TEAD4: variants seen among roughly 807,000 people sequenced by gnomAD.
The protein encoded by TEAD4 is TEA domain transcription factor 4.
TEAD4 carries 36 observed loss-of-function variants against 52.4 expected under a neutral mutation model. The ratio of observed to expected loss-of-function variants is 0.69; its 90% CI spans 0.53 to 0.91. The LOEUF (loss-of-function observed/expected upper bound fraction) is 0.91. Ranked by LOEUF, TEAD4 falls within the 40% of genes least tolerant of loss-of-function variation. TEAD4 has a pLI of 0.00. For synonymous variants in TEAD4, 220 were observed against 231.0 expected, an observed-to-expected ratio of 0.95 and a Z score of 0.43; for missense variants, 508 against 583.9, an observed-to-expected ratio of 0.87 and a Z score of 1.34.
chr12:2,983,909 G>A (rs1381295764), intron 2 of TEAD4, among the ~76,000 whole-genome samples: 1 of 152,236 alleles, frequency 6.6e-6, no homozygotes, highest in African/African-American at 2.4e-5. Context: ...GTGGAGACCA[G>A]TCCTTACTGG....
intron 2 of TEAD4, among the ~76,000 whole-genome samples, chr12:2,968,604 C>G (rs1019929990): frequency 6.6e-6 from 1 of 151,486 alleles, no homozygotes; most frequent in African/African-American, 2.4e-5. Flanking sequence ...TTTTATTTTT[C>G]ATAGAGACAG....
intron 10 of TEAD4, among the ~76,000 whole-genome samples, chr12:3,030,281 C>T (rs574670276): frequency 6.6e-6 from 1 of 152,320 alleles, no homozygotes; most frequent in African/African-American, 2.4e-5. Flanking sequence ...AAGCCATTCT[C>T]CTGCCTCAGC....
At chr12:3,021,032 C>T (rs1415642149) in intron 9 of TEAD4, among the ~76,000 whole-genome samples, 1 of 152,108 alleles carries the variant, frequency 6.6e-6, no homozygotes, top group African/African-American at 2.4e-5. Flanking sequence ...TCCTGTGTTC[C>T]TCCTCCCCTC....
At chr12:3,024,152 G>GCAAGC (rs2153957673) in intron 10 of TEAD4, among the ~76,000 whole-genome samples, 1 of 151,810 alleles carries the variant, frequency 6.6e-6, no homozygotes, top group Admixed American at 6.6e-5. Context: ...TTGGCTCACT[G>GCAAGC]CAAGCTCCGC....
Position 3,038,002 on chromosome 12 carries a change from G to A in TEAD4, c.932G>A (p.Ser311Asn), listed in dbSNP as rs2098280437. 1 of 1,613,920 alleles carries A rather than the reference G, an allele frequency of 6.2e-7. No individual in the cohort carries two copies. Among genetic ancestry groups the A allele is most frequent in the South Asian group, 1.1e-5 (1 of 91,070 alleles). Residue 311 changes from serine (S) to asparagine (N), a missense_variant, in exon 11 of 13, where the codon AGC (serine) becomes AAC (asparagine). Physicochemically the swap from Ser to Asn is conservative, Grantham distance 46. Coordinates refer to ENST00000359864, the MANE Select transcript of TEAD4 (RefSeq NM_003213.4). ...AACACCAACATCGAGGATGAAGGCA[G>A]CTCCTTCTATGGGGTCTCCAGCCAG...
In TEAD4 at chr12:3,033,390, C is replaced by T. The variant is rs139595163; in HGVS notation, c.898-4578C>T. Among the ~76,000 whole-genome samples the T allele has an allele frequency of 4.2e-3, 638 of 152,342 alleles. 23 individuals carry two copies. The highest frequency in any genetic ancestry group is 0.038 in the Admixed American group (584 of 15,310). On this transcript the variant is annotated intron_variant, in intron 10 of 12. Coordinates refer to ENST00000359864, the MANE Select transcript of TEAD4 (RefSeq NM_003213.4). ...GGGACTGATGCGATGAAGCTCCCTT[C>T]CTCCCCCAGAGCCCCGCAAGTCCAG... is the stretch of plus-strand genomic sequence containing the variant.
Position 2,974,883 on chromosome 12 carries a change from T to C in TEAD4, c.-30+14843T>C, listed in dbSNP as rs182030350. Among the ~76,000 whole-genome samples, 15 of 152,230 alleles carry C rather than the reference T, an allele frequency of 9.9e-5. No homozygotes were observed. The East Asian group carries it at 2.9e-3, about 29-fold the overall frequency. The stretch of plus-strand genomic sequence containing the variant: ...GGCTGAGGAAACAAGTGTGCTGGCT[T>C]TGACGGAATTCCAGGGCAAGTGCTT... On this transcript the variant is annotated intron_variant, in intron 2 of 12. Coordinates refer to ENST00000359864, the MANE Select transcript of TEAD4 (RefSeq NM_003213.4).
chr12:3,037,891 C>T, intron 10 of TEAD4, 77 bp from the exon 11 acceptor site: 5 of 1,539,180 alleles, frequency 3.2e-6, no homozygotes, highest in Non-Finnish European at 4.4e-6. Context: ...GGGACCGGGA[C>T]CCTGAGGTCT....
At chr12:3,004,429 A>G (rs1482882905) in intron 3 of TEAD4, among the ~76,000 whole-genome samples, 1 of 152,040 alleles carries the variant, frequency 6.6e-6, no homozygotes, top group Admixed American at 6.6e-5. Context: ...GCTAAACAGG[A>G]CCTCTAGAGT....
rs1422786805 is a variant in TEAD4, at chr12:2,959,626, G to C, written c.-123+145G>C. The stretch of plus-strand genomic sequence containing the variant: ...TTCCCGCCTTGGACCTCTGCGCTCC[G>C]ACGCGCTCCGTCCCGACCTCTGGCT... On this transcript the variant is annotated intron_variant, in intron 1 of 12. Transcript: ENST00000359864. The surrounding 1 kb of genome is among the most constrained non-coding windows in gnomAD (Gnocchi z 5.1). 6.6e-6 allele frequency: 1 copy of C among 151,062 alleles called. No homozygotes were observed. The highest frequency in any genetic ancestry group is 1.5e-5 in the Non-Finnish European group (1 of 67,740). The allele number at this position is 151,062 out of a possible 1,614,324, so 9.4% of individuals were successfully genotyped here.
chr12:2,971,027 G>T (rs559185024), intron 2 of TEAD4, among the ~76,000 whole-genome samples: 1 of 152,178 alleles, frequency 6.6e-6, no homozygotes, highest in Non-Finnish European at 1.5e-5. Flanking sequence ...AGCTCCCTCC[G>T]ACTGCACCTG....
chr12:3,020,857 T>C (rs2098268213), intron 9 of TEAD4, 84 bp downstream of exon 9: 3 of 1,367,274 alleles, frequency 2.2e-6, no homozygotes, highest in Non-Finnish European at 2.9e-6. Context: ...CCCCACTCCA[T>C]GCTGGGGCTT....
At chr12:3,009,892 G>A (rs2098258894) in intron 3 of TEAD4, among the ~76,000 whole-genome samples, 1 of 152,220 alleles carries the variant, frequency 6.6e-6, no homozygotes, top group African/African-American at 2.4e-5. Flanking sequence ...AAGGTCAGCT[G>A]GGGGGTCAGC....
intron 2 of TEAD4, among the ~76,000 whole-genome samples, chr12:2,985,996 G>C (rs2098238176): frequency 6.6e-6 from 1 of 151,860 alleles, no homozygotes; most frequent in African/African-American, 2.4e-5. Context: ...CTGAGGCGGA[G>C]AATTGCTTGA....
chr12:2,977,447 C>CT (rs1298354011), intron 2 of TEAD4, among the ~76,000 whole-genome samples: 1 of 152,056 alleles, frequency 6.6e-6, no homozygotes, highest in African/African-American at 2.4e-5. Flanking sequence ...GGGCCTCCCC[C>CT]CCTCTCACCT....
intron 3 of TEAD4, among the ~76,000 whole-genome samples, chr12:2,997,810 G>GT (rs966512092): frequency 1.3e-5 from 2 of 151,248 alleles, no homozygotes; most frequent in South Asian, 2.1e-4. Context: ...TTTTTCGGGG[G>GT]GGGGGTGTGT....
At chr12:2,964,604 C>A (rs2098218685) in intron 2 of TEAD4, among the ~76,000 whole-genome samples, 1 of 150,888 alleles carries the variant, frequency 6.6e-6, no homozygotes, top group Admixed American at 6.6e-5. Context: ...ATTACAGGTG[C>A]CTGCCACCAC....
chr12:3,035,952 A>T (rs1298791904), intron 10 of TEAD4, among the ~76,000 whole-genome samples: 1 of 152,132 alleles, frequency 6.6e-6, no homozygotes, highest in South Asian at 2.1e-4. Flanking sequence ...AGTCCGGCAG[A>T]GGCCTCAGCC....
chr12:3,003,115 A>T (rs1175916021), intron 3 of TEAD4, among the ~76,000 whole-genome samples: 2 of 152,048 alleles, frequency 1.3e-5, no homozygotes, highest in African/African-American at 4.8e-5. Flanking sequence ...CCTCTCCCTG[A>T]GCCCCAACCT....
Sources: allele counts gnomAD v4.1 joint callset (sites outside exome capture counted in the v4.1 genomes callset), GRCh38; gene constraint gnomAD v4.1.1; non-coding constraint Gnocchi (gnomAD v3.1); transcripts MANE v1.5; gene names NCBI Gene and HGNC (gene_info 2026-07-23, HGNC 2026-07-21).